Variants in BRF1 observed in about 807,000 individuals in gnomAD.
BRF1 encodes BRF1 general transcription factor IIIB subunit.
A neutral mutation model predicts 81.7 loss-of-function variants in BRF1; 59 were observed. The observed-to-expected ratio is 0.72, with a 90% CI of 0.59 to 0.90. The LOEUF is 0.90. Ranked by LOEUF, BRF1 falls within the 40% of genes least tolerant of loss-of-function variation. The pLI, the probability that BRF1 is intolerant of heterozygous loss-of-function variation, is 0.00. For synonymous variants in BRF1, 491 were observed against 395.6 expected (o/e 1.24, Z -2.86); for missense variants, 1,050 against 936.3 (o/e 1.12, Z -1.58).
rs867208781 is a variant in BRF1, at chr14:105,277,528, A to G, written c.266-4634T>C. Reference sequence around the variant, plus strand: ...GGAGCTGAGAGGCGGCCCTCACTAGAGAGCTGGGGAGGAGGCCACAGTGAG... The same window carrying G: ...GGAGCTGAGAGGCGGCCCTCACTAGGGAGCTGGGGAGGAGGCCACAGTGAG... On this transcript the variant is annotated intron_variant, in intron 2 of 17. Transcript: ENST00000547530. 3.6e-3 allele frequency among the ~76,000 whole-genome samples: 443 copies of G among 123,894 alleles called. 19 individuals carry two copies. Among genetic ancestry groups the G allele is most frequent in the African/African-American group, 0.014 (416 of 29,768 alleles). 81.3% of individuals were successfully genotyped at this position (123,894 alleles called of 152,430 possible). A position where few individuals can be genotyped will look rare whatever the true frequency, so the allele number is the denominator to read the frequency against.
chr14:105,280,910 G>A (rs587721062), intron 2 of BRF1, among the ~76,000 whole-genome samples: 40 of 146,364 alleles, frequency 2.7e-4, no homozygotes, highest in Non-Finnish European at 3.8e-4. Flanking sequence ...TACAGCCTGC[G>A]TGACCCTGAG....
chr14:105,285,493 C>G lies in BRF1; in HGVS notation c.265+803G>C, dbSNP rs771754032. Among the ~76,000 whole-genome samples the G allele has an allele frequency of 2.0e-5, 3 of 152,324 alleles. No individual in the cohort carries two copies. In the South Asian group the frequency reaches 6.2e-4, roughly 32 times the overall value. ...GTGAAGGCAGGCCCTTACCTTACAT[C>G]ACATGCAAACGCTGACTCAATATGG... On this transcript the variant is annotated intron_variant, in intron 2 of 17. Transcript: ENST00000547530.
intron 12 of BRF1, 91 bp from the exon 13 acceptor site, chr14:105,219,323 C>T (rs776533289): frequency 3.8e-6 from 6 of 1,575,848 alleles, no homozygotes; most frequent in South Asian, 1.1e-5. Flanking sequence ...GTATTTCCAC[C>T]GTTAGAGGAA....
intron 2 of BRF1, among the ~76,000 whole-genome samples, 196 bp from the exon 3 acceptor site, chr14:105,273,090 T>G (rs771310603): frequency 4.1e-4 from 62 of 152,272 alleles, no homozygotes; most frequent in Non-Finnish European, 8.1e-4. Flanking sequence ...GATCTCCATG[T>G]GCCATGAGAT....
intron 3 of BRF1, among the ~76,000 whole-genome samples, chr14:105,259,164 C>T (rs2056035085): frequency 1.3e-5 from 2 of 152,154 alleles, no homozygotes; most frequent in Non-Finnish European, 2.9e-5. Context: ...CAGATGTCAG[C>T]CAGGTGCAGT....
rs1005708584 is a variant in BRF1 at position 105,226,259 on chromosome 14, T to G, written c.947A>C (p.Glu316Ala). The change falls in exon 9 of 18, where the codon GAG (glutamate) becomes GCG (alanine). Residue 316 changes from glutamate to alanine, a missense_variant. This residue lies in a region of BRF1 where 1,043 missense variants were observed against 915.4 expected (regional missense o/e 1.14). Transcript: ENST00000547530. ...LEQVLSKKLE[E>A]VEGEISSYQD... ...GAAGATTGGTTGGTTACCTTCAACC[T>G]CCTCCAGTTTTTTTGACAGGACTTG... 1 of 1,613,978 alleles carries G rather than the reference T, an allele frequency of 6.2e-7. No individual in the cohort carries two copies. The highest frequency in any genetic ancestry group is 8.5e-7 in the Non-Finnish European group (1 of 1,180,036).
intron 1 of BRF1, among the ~76,000 whole-genome samples, chr14:105,291,088 G>A (rs942336465): frequency 2.6e-5 from 4 of 152,244 alleles, no homozygotes; most frequent in South Asian, 2.1e-4. Flanking sequence ...GCTAGTTCCC[G>A]TTAGCTGGAA....
At chr14:105,250,321 T>G in intron 5 of BRF1, 2 of 1,613,362 alleles carry the variant, frequency 1.2e-6, no homozygotes, top group Non-Finnish European at 1.7e-6. Flanking sequence ...GAAGGGTATT[T>G]ATTGCAGGGC....
intron 1 of BRF1, among the ~76,000 whole-genome samples, chr14:105,314,262 G>A (rs2058447462): frequency 1.3e-5 from 2 of 152,078 alleles, no homozygotes; most frequent in Non-Finnish European, 2.9e-5. Flanking sequence ...GAGACAAGGG[G>A]CGGCGAGGGC....
At chr14:105,241,542 C>T in intron 5 of BRF1, 128 bp from the exon 6 acceptor site, 1 of 1,244,492 alleles carries the variant, frequency 8.0e-7, no homozygotes, top group Non-Finnish European at 1.1e-6. Context: ...CCACCAGTTC[C>T]CCTCCCCTGG....
In BRF1 at chr14:105,219,391, G is replaced by A. The variant is rs142791715; in HGVS notation, c.1378-159C>T. The A allele has an allele frequency of 6.0e-3, 8,464 of 1,417,198 alleles. 199 individuals carry two copies. In the Admixed American group the frequency reaches 0.072, roughly 12 times the overall value. The allele number at this position is 1,417,198 out of a possible 1,614,324, so 87.8% of individuals were successfully genotyped here. On this transcript the variant is annotated intron_variant, in intron 12 of 17. Coordinates refer to ENST00000547530, the MANE Select transcript of BRF1 (RefSeq NM_001519.4). ...AGCCTGGGCTGAGGCCTCATCGCGC[G>A]GGGCGAGTTGGGGACCTGTTGCTCT...
At chr14:105,280,817 C>G (rs1002124544) in intron 2 of BRF1, among the ~76,000 whole-genome samples, 4 of 151,012 alleles carry the variant, frequency 2.6e-5, no homozygotes, top group African/African-American at 7.3e-5. Flanking sequence ...AATCTTGAGC[C>G]CAGGTGTGCA....
At chr14:105,263,322 G>A (rs1015329280) in intron 3 of BRF1, among the ~76,000 whole-genome samples, 3 of 151,554 alleles carry the variant, frequency 2.0e-5, no homozygotes, top group Non-Finnish European at 2.9e-5. Context: ...AGTGGCTTCC[G>A]AGCCAGCCAG....
intron 5 of BRF1, chr14:105,246,932 G>A (rs963786069): frequency 1.0e-6 from 1 of 985,384 alleles, no homozygotes; most frequent in African/African-American, 1.7e-5. Flanking sequence ...CTTGTGTGCT[G>A]CTGTAAGTTA....
chr14:105,312,105 A>G (rs1044359614), intron 1 of BRF1, among the ~76,000 whole-genome samples: 4 of 152,166 alleles, frequency 2.6e-5, no homozygotes, highest in Non-Finnish European at 5.9e-5. Flanking sequence ...TGTCTGTGTC[A>G]TCTTAGCCCA....
intron 7 of BRF1, 148 bp downstream of exon 7, chr14:105,228,672 G>C (rs2054208359): frequency 1.2e-6 from 1 of 837,358 alleles, no homozygotes; most frequent in South Asian, 1.6e-5. Context: ...CCAAGCCATA[G>C]TGTGACCGGG....
At chr14:105,248,451 CAGA>C in intron 5 of BRF1, 1 of 985,214 alleles carries the variant, frequency 1.0e-6, no homozygotes, top group Middle Eastern at 5.2e-4. Context: ...GGTTGCTGGG[CAGA>C]AGCTCGAGCA....
At chr14:105,251,728 A>G (rs913901009) in intron 5 of BRF1, among the ~76,000 whole-genome samples, 7 of 151,992 alleles carry the variant, frequency 4.6e-5, no homozygotes, top group African/African-American at 1.7e-4. Context: ...GCAAAGTAAG[A>G]AAGGGGCCTC....
chr14:105,267,107 T>C (rs1192758152), intron 3 of BRF1, among the ~76,000 whole-genome samples: 1 of 152,136 alleles, frequency 6.6e-6, no homozygotes, highest in African/African-American at 2.4e-5. Context: ...TTGTGTGCAT[T>C]AAAGGAGAGA....
Sources: allele counts gnomAD v4.1 joint callset (sites outside exome capture counted in the v4.1 genomes callset), GRCh38; gene constraint gnomAD v4.1.1; regional missense constraint gnomAD v4.1.1; transcripts MANE v1.5; gene names NCBI Gene and HGNC (gene_info 2026-07-23, HGNC 2026-07-21).